TSPEAR: variants seen among roughly 807,000 people sequenced by gnomAD.
TSPEAR encodes thrombospondin type laminin G domain and EAR repeats, also known as thrombospondin-type laminin G domain and EAR repeat-containing protein.
In TSPEAR, 69 loss-of-function variants were observed where a neutral mutation model predicts 71.6. That is an observed-to-expected ratio of 0.96 (90% confidence interval 0.79 to 1.18). The LOEUF (loss-of-function observed/expected upper bound fraction) is 1.18, where lower values mean the gene tolerates loss of function less well. Ranked by LOEUF, TSPEAR falls within the 50% of genes most tolerant of loss-of-function variation. TSPEAR has a pLI of 0.00. For synonymous variants in TSPEAR, 402 were observed against 387.2 expected (o/e 1.04, Z -0.45); for missense variants, 971 against 894.9 (o/e 1.09, Z -1.09).
intron 8 of TSPEAR, 47 bp from the exon 9 acceptor site, chr21:44,522,159 C>T: frequency 6.4e-7 from 1 of 1,573,752 alleles, no homozygotes; most frequent in Non-Finnish European, 8.7e-7. Flanking sequence ...GATTCCACAG[C>T]CCCATGGCAG....
At chr21:44,503,280 C>G (rs868960964) in intron 11 of TSPEAR, among the ~76,000 whole-genome samples, 1 of 120,824 alleles carries the variant, frequency 8.3e-6, no homozygotes, top group Non-Finnish European at 1.7e-5. Context: ...AAGCTGGCCT[C>G]GGTGAGCCCT....
At chr21:44,543,964 G>A (rs2053262059) in intron 2 of TSPEAR, among the ~76,000 whole-genome samples, 2 of 152,234 alleles carry the variant, frequency 1.3e-5, no homozygotes, top group Admixed American at 1.3e-4. Flanking sequence ...AAAGCAAGGA[G>A]ATAAAAGGGA....
At chr21:44,541,710 G>C (rs1375768273) in intron 2 of TSPEAR, among the ~76,000 whole-genome samples, 1 of 152,194 alleles carries the variant, frequency 6.6e-6, no homozygotes, top group African/African-American at 2.4e-5. Flanking sequence ...AAACACCCTA[G>C]GCTTTCAGTT....
chr21:44,550,848 C>G (rs771144974), intron 2 of TSPEAR: 40 of 1,531,890 alleles, frequency 2.6e-5, no homozygotes, highest in Non-Finnish European at 3.4e-5. Flanking sequence ...AGAGGAAGCC[C>G]CAGAGCAAAC....
intron 1 of TSPEAR, chr21:44,697,995 T>G: frequency 6.4e-7 from 1 of 1,566,776 alleles, no homozygotes; most frequent in Non-Finnish European, 8.7e-7. Context: ...CCAGGGCCAC[T>G]GGGCACTATG....
At chr21:44,628,446 G>C (rs1306443284) in intron 1 of TSPEAR, among the ~76,000 whole-genome samples, 1 of 151,806 alleles carries the variant, frequency 6.6e-6, no homozygotes, top group African/African-American at 2.4e-5. Context: ...CCTGGCTCTG[G>C]GGGGCTGGGC....
At chr21:44,673,317 T>C (rs1173119883) in intron 1 of TSPEAR, among the ~76,000 whole-genome samples, 3 of 152,104 alleles carry the variant, frequency 2.0e-5, no homozygotes, top group Non-Finnish European at 4.4e-5. Flanking sequence ...CCTCCATAAA[T>C]AAACAGAAAT....
At position 44,666,783 on chromosome 21, in the gene TSPEAR, C is replaced by T. The variant is rs1248855274; in HGVS notation, c.82+44650G>A. On this transcript the variant is annotated intron_variant, in intron 1 of 11. Coordinates refer to ENST00000323084, the MANE Select transcript of TSPEAR (RefSeq NM_144991.3). ...GGAGGACTGGCAGCCCACAGGCACA[C>T]AGCAGGATGCCTGGCAGGAGCTGGG... is the stretch of plus-strand genomic sequence containing the variant. 1.9e-6 allele frequency: 3 copies of T among 1,612,080 alleles called. No individual in the cohort carries two copies. The African/African-American group carries it at 4.0e-5, about 22-fold the overall frequency.
chr21:44,707,595 G>A (rs1433834515), intron 1 of TSPEAR, among the ~76,000 whole-genome samples: 3 of 152,250 alleles, frequency 2.0e-5, no homozygotes, highest in African/African-American at 7.2e-5. Flanking sequence ...GGGGCGGAGC[G>A]GGGGAAAAGC....
At chr21:44,641,799 G>C (rs1477884766) in intron 1 of TSPEAR, among the ~76,000 whole-genome samples, 2 of 152,194 alleles carry the variant, frequency 1.3e-5, no homozygotes, top group Non-Finnish European at 2.9e-5. Flanking sequence ...CTCTACCAAG[G>C]TGGAGGGAAG....
At chr21:44,524,427 T>C (rs1267465133) in intron 8 of TSPEAR, among the ~76,000 whole-genome samples, 1 of 151,700 alleles carries the variant, frequency 6.6e-6, no homozygotes, top group Non-Finnish European at 1.5e-5. Flanking sequence ...AGTCAGGCAG[T>C]CAATCAATGA....
intron 9 of TSPEAR, among the ~76,000 whole-genome samples, chr21:44,515,014 AACCCCACCTGC>A (rs1555913191): frequency 1.3e-5 from 2 of 152,254 alleles, no homozygotes; most frequent in Middle Eastern, 3.4e-3. Flanking sequence ...CAGCTCCTCA[AACCCCACCTGC>A]ACCCCACACC....
rs185628247 is a variant in TSPEAR, at chr21:44,672,794, C to T, written c.82+38639G>A. Among the ~76,000 whole-genome samples, 8 of 152,238 alleles carry T rather than the reference C, an allele frequency of 5.3e-5. No homozygotes were observed. In the East Asian group the frequency reaches 1.4e-3, roughly 26 times the overall value. On this transcript the variant is annotated intron_variant, in intron 1 of 11. Transcript: ENST00000323084. Reference sequence around the variant, plus strand: ...GGGCAGATTTCCCCCTTGCAGTTCTCCTGATAGTGAGTTCTCACGAGATCT... The same window carrying T: ...GGGCAGATTTCCCCCTTGCAGTTCTTCTGATAGTGAGTTCTCACGAGATCT...
intron 10 of TSPEAR, among the ~76,000 whole-genome samples, chr21:44,505,582 C>T (rs1555911810): frequency 1.5e-5 from 1 of 65,094 alleles, no homozygotes; most frequent in East Asian, 5.4e-4. Context: ...CCCCCCCCCC[C>T]CCCAGCCCCG....
At chr21:44,684,400 G>A (rs368524273) in intron 1 of TSPEAR, among the ~76,000 whole-genome samples, 34 of 152,226 alleles carry the variant, frequency 2.2e-4, no homozygotes, top group African/African-American at 3.9e-4. Context: ...TAGGGGTGGC[G>A]GTGTGCACCT....
intron 2 of TSPEAR, chr21:44,557,911 T>C (rs916465905): frequency 4.0e-6 from 4 of 1,011,710 alleles, no homozygotes; most frequent in Non-Finnish European, 5.7e-6. Context: ...CTGGAGGGAA[T>C]CGGCATGAAA....
At chr21:44,646,724 G>A (rs367722730) in intron 1 of TSPEAR, 21 of 1,614,090 alleles carry the variant, frequency 1.3e-5, no homozygotes, top group Admixed American at 8.3e-5. Flanking sequence ...CAGCCGGCTT[G>A]CTGCACCTCC....
chr21:44,675,915 A>T, intron 1 of TSPEAR: 1 of 775,052 alleles, frequency 1.3e-6, no homozygotes. Context: ...GCGCTGGCAT[A>T]TGCTGTCAGG....
In TSPEAR at chr21:44,627,260, C is replaced by A. The variant is rs375179678; in HGVS notation, c.83-59255G>T. The A allele has an allele frequency of 1.7e-4, 279 of 1,612,718 alleles. No individual in the cohort carries two copies. In the South Asian group the frequency reaches 2.1e-3, roughly 12 times the overall value. On this transcript the variant is annotated intron_variant, in intron 1 of 11. Coordinates refer to ENST00000323084, the MANE Select transcript of TSPEAR (RefSeq NM_144991.3). ...TGCCCAGAGAGCTGCTGTGAGCCCCCCTGCTGCGCCACCAGCTGCTGCGCC... is the reference window on the plus strand; with the variant it reads ...TGCCCAGAGAGCTGCTGTGAGCCCCACTGCTGCGCCACCAGCTGCTGCGCC...
Sources: allele counts gnomAD v4.1 joint callset (sites outside exome capture counted in the v4.1 genomes callset), GRCh38; gene constraint gnomAD v4.1.1; transcripts MANE v1.5; gene names NCBI Gene and HGNC (gene_info 2026-07-23, HGNC 2026-07-21).